Variants in FNDC3B observed in about 807,000 individuals in gnomAD.
FNDC3B encodes the protein fibronectin type III domain containing 3B.
A neutral mutation model predicts 151.5 loss-of-function variants in FNDC3B; 12 were observed. That is an observed-to-expected ratio of 0.08 (90% CI 0.05 to 0.13). The LOEUF (loss-of-function observed/expected upper bound fraction) is 0.13. FNDC3B is among the 10% of genes least tolerant of loss of function. FNDC3B has a pLI of 1.00. For missense variants in FNDC3B, 1,214 were observed against 1,505.3 expected (o/e 0.81, Z 3.20); for synonymous variants, 528 against 549.0 (o/e 0.96, Z 0.54).
intron 23 of FNDC3B, among the ~76,000 whole-genome samples, chr3:172,374,230 C>G (rs1482603746): frequency 1.3e-5 from 2 of 152,168 alleles, no homozygotes; most frequent in African/African-American, 2.4e-5. Flanking sequence ...GGCTGACTTT[C>G]CACCTAGAAA....
chr3:172,100,543 A>T lies in FNDC3B; in HGVS notation c.-28-11909A>T, dbSNP rs138420815. Among the ~76,000 whole-genome samples, 182 of 152,344 alleles carry T rather than the reference A, an allele frequency of 1.2e-3. 1 individual carries two copies. Among genetic ancestry groups the T allele is most frequent in the South Asian group, 2.3e-3 (11 of 4,830 alleles). ...AATGTTTATCTGAATTAGTAATATG[A>T]CTATATACATACTTTATATTAAAAT... On this transcript the variant is annotated intron_variant, in intron 1 of 25. Transcript: ENST00000415807.
intron 3 of FNDC3B, among the ~76,000 whole-genome samples, chr3:172,192,274 G>A (rs1724558905): frequency 6.7e-6 from 1 of 150,178 alleles, no homozygotes; most frequent in South Asian, 2.1e-4. Flanking sequence ...CCTGGTACAA[G>A]CGATTCTCCT....
At chr3:172,319,620 C>T (rs556109289) in intron 11 of FNDC3B, among the ~76,000 whole-genome samples, 49 of 152,290 alleles carry the variant, frequency 3.2e-4, no homozygotes, top group Non-Finnish European at 1.5e-4. Context: ...ATGAAAGAGG[C>T]GTCCCTGGGG....
At chr3:172,178,938 A>G (rs1723744653) in intron 3 of FNDC3B, among the ~76,000 whole-genome samples, 1 of 152,372 alleles carries the variant, frequency 6.6e-6, no homozygotes, top group East Asian at 1.9e-4. Context: ...GTGATTAAAT[A>G]TGAATACCAT....
chr3:172,184,081 A>T (rs1346029109), intron 3 of FNDC3B, among the ~76,000 whole-genome samples: 1 of 152,238 alleles, frequency 6.6e-6, no homozygotes, highest in Admixed American at 6.5e-5. Context: ...TTTATAAAGT[A>T]AATACAAGTA....
chr3:172,109,012 G>T (rs1719821152), intron 1 of FNDC3B, among the ~76,000 whole-genome samples: 1 of 152,316 alleles, frequency 6.6e-6, no homozygotes, highest in Admixed American at 6.5e-5. Context: ...AGTACTCTCT[G>T]TGTGTGCATG....
chr3:172,389,609 TAATCCCAGC>T (rs1015515028), intron 25 of FNDC3B, among the ~76,000 whole-genome samples: 1 of 152,190 alleles, frequency 6.6e-6, no homozygotes, highest in Non-Finnish European at 1.5e-5. Context: ...ACGCCTGTAG[TAATCCCAGC>T]ACTTTGGGAG....
intron 1 of FNDC3B, among the ~76,000 whole-genome samples, chr3:172,111,589 T>A (rs910381587): frequency 8.5e-5 from 13 of 152,194 alleles, no homozygotes; most frequent in African/African-American, 3.1e-4. Flanking sequence ...CTTTTATATA[T>A]CTTTTGATAC....
chr3:172,330,317 T>A, intron 12 of FNDC3B: 1 of 454,226 alleles, frequency 2.2e-6, no homozygotes, highest in Non-Finnish European at 3.9e-6. Context: ...CAACTGTATA[T>A]TGTCCTGTGA....
chr3:172,179,858 C>CA lies in FNDC3B; in HGVS notation c.187+46339dup, dbSNP rs60259015. Among the ~76,000 whole-genome samples, 307 of 97,774 alleles carry CA rather than the reference C, an allele frequency of 3.1e-3. 5 individuals carry two copies. The highest frequency in any genetic ancestry group is 0.011 in the East Asian group (28 of 2,454). 64.1% of individuals were successfully genotyped at this position (97,774 alleles called of 152,430 possible). On this transcript the variant is annotated intron_variant, in intron 3 of 25. Coordinates refer to ENST00000415807, the MANE Select transcript of FNDC3B (RefSeq NM_022763.4). The stretch of plus-strand genomic sequence containing the variant: ...AGGCAACAGAGTGAGGCCCTGTCTC[C>CA]AAAAAAAAAAAAAAAAAAAAAAAAA...
intron 22 of FNDC3B, among the ~76,000 whole-genome samples, chr3:172,358,906 C>G (rs1002585447): frequency 7.0e-5 from 10 of 142,720 alleles, no homozygotes; most frequent in Non-Finnish European, 1.5e-5. Context: ...AGCAGGATTC[C>G]CAAAGAGGCT....
Position 172,356,112 on chromosome 3 carries a change from AT to A in FNDC3B, c.2795+3030del, listed in dbSNP as rs527887099. On this transcript the variant is annotated intron_variant, in intron 22 of 25. Transcript: ENST00000415807. ...ATAACATGTATTGAGCCCTTACTAT[AT>A]GGTAAGCACTATGTTAGGCTGCCCA... Among the ~76,000 whole-genome samples, 335 of 152,312 alleles carry A rather than the reference AT, an allele frequency of 2.2e-3. 3 individuals carry two copies. The highest frequency in any genetic ancestry group is 7.5e-3 in the African/African-American group (312 of 41,566).
chr3:172,069,491 A>T (rs1024644232), intron 1 of FNDC3B, among the ~76,000 whole-genome samples: 1 of 152,316 alleles, frequency 6.6e-6, no homozygotes, highest in East Asian at 1.9e-4. Flanking sequence ...TTTAATTTTA[A>T]GTTCTGGGAT....
At chr3:172,186,113 A>G (rs1724163682) in intron 3 of FNDC3B, among the ~76,000 whole-genome samples, 1 of 152,242 alleles carries the variant, frequency 6.6e-6, no homozygotes, top group Non-Finnish European at 1.5e-5. Context: ...AAGCTTCACG[A>G]ATTTTTATGA....
In FNDC3B at chr3:172,398,257, CTTGT is replaced by C. The variant is rs138175940; in HGVS notation, c.*791_*794del. On this transcript the variant is annotated 3_prime_UTR_variant, in exon 26 of 26. Coordinates refer to ENST00000415807, the MANE Select transcript of FNDC3B (RefSeq NM_022763.4). ...TCAGCTATTTTAAAGGCTGCTTTAA[CTTGT>C]TTGTTTGTCTTTGTATATAACTACT... 147 of 152,678 alleles carry C rather than the reference CTTGT, an allele frequency of 9.6e-4. 1 individual carries two copies. The highest frequency in any genetic ancestry group is 3.2e-3 in the African/African-American group (132 of 41,556). 9.5% of individuals were successfully genotyped at this position (152,678 alleles called of 1,614,324 possible).
intron 7 of FNDC3B, among the ~76,000 whole-genome samples, chr3:172,286,709 T>C (rs1352317866): frequency 6.6e-6 from 1 of 152,108 alleles, no homozygotes; most frequent in African/African-American, 2.4e-5. Flanking sequence ...AAGGCACTTG[T>C]AGAGGAGTGG....
At chr3:172,088,248 G>T (rs1293069160) in intron 1 of FNDC3B, among the ~76,000 whole-genome samples, 2 of 152,138 alleles carry the variant, frequency 1.3e-5, no homozygotes, top group African/African-American at 4.8e-5. Context: ...TAGCAAAACC[G>T]CTGTACTGGT....
In FNDC3B at chr3:172,139,764, GTT is replaced by G. The variant is rs1465252027; in HGVS notation, c.187+6223_187+6224del. Among the ~76,000 whole-genome samples, 76 of 130,852 alleles carry G rather than the reference GTT, an allele frequency of 5.8e-4. 2 individuals are homozygous for G. Among genetic ancestry groups the G allele is most frequent in the African/African-American group, 2.1e-3 (74 of 35,084 alleles). 85.8% of individuals were successfully genotyped at this position (130,852 alleles called of 152,430 possible). ...TTGAAAACCATTTCTTTTTTTTTTT[GTT>G]TTTTGAGACAGGGTATCCTGTCTCA... On this transcript the variant is annotated intron_variant, in intron 3 of 25. Coordinates refer to ENST00000415807, the MANE Select transcript of FNDC3B (RefSeq NM_022763.4).
chr3:172,307,564 G>A (rs796805190), intron 10 of FNDC3B, 63 bp downstream of exon 10: 11 of 1,548,922 alleles, frequency 7.1e-6, no homozygotes, highest in East Asian at 2.3e-5. Context: ...TGGTGGCAAC[G>A]TGTTCCTAGT....
Sources: allele counts gnomAD v4.1 joint callset (sites outside exome capture counted in the v4.1 genomes callset), GRCh38; gene constraint gnomAD v4.1.1; transcripts MANE v1.5; gene names NCBI Gene and HGNC (gene_info 2026-07-23, HGNC 2026-07-21).